Variants in SCD5 observed in about 807,000 individuals in gnomAD.
SCD5 encodes the protein stearoyl-CoA desaturase 5.
A neutral mutation model predicts 30.4 loss-of-function variants in SCD5; 20 were observed. The observed-to-expected ratio is 0.66, with a 90% confidence interval of 0.46 to 0.96. SCD5 has a LOEUF of 0.96. SCD5 is among the 40% of genes least tolerant of loss of function. The pLI is 0.00. For synonymous variants in SCD5, 173 were observed against 176.4 expected (o/e 0.98, Z 0.16); for missense variants, 381 against 443.3 (o/e 0.86, Z 1.26).
chr4:82,779,299 T>G (rs1174246198), intron 1 of SCD5, among the ~76,000 whole-genome samples: 1 of 152,102 alleles, frequency 6.6e-6, no homozygotes, highest in Non-Finnish European at 1.5e-5. Flanking sequence ...AAGGACTCAG[T>G]GTGCTCTTGC....
rs1017458503 is a variant in SCD5 at position 82,705,472 on chromosome 4, C to T, written c.233-59G>A. ...GGTCCCTGAGCTTTCAAACACCCCC[C>T]ATGCTTTTTCTCTCCTGAACAGGGA... On this transcript the variant is annotated intron_variant, in intron 1 of 4. Transcript: ENST00000319540. 20 of 1,597,320 alleles carry T rather than the reference C, an allele frequency of 1.3e-5. 1 individual carries two copies. The highest frequency in any genetic ancestry group is 1.7e-4 in the Middle Eastern group (1 of 6,038).
intron 4 of SCD5, among the ~76,000 whole-genome samples, chr4:82,633,943 C>A (rs1210719424): frequency 1.3e-5 from 2 of 152,208 alleles, no homozygotes; most frequent in Non-Finnish European, 2.9e-5. Context: ...CCCTCCCAGT[C>A]CTGTTTTCTA....
chr4:82,683,351 A>T (rs1728620992), intron 2 of SCD5, among the ~76,000 whole-genome samples: 2 of 152,196 alleles, frequency 1.3e-5, no homozygotes, highest in South Asian at 4.1e-4. Flanking sequence ...CTTTTGCATT[A>T]GTTTATTGCT....
chr4:82,772,172 G>A lies in SCD5; in HGVS notation c.232+26134C>T, dbSNP rs149579414. The stretch of plus-strand genomic sequence containing the variant: ...GGAGTCCAGAATGACAGAGATTTTT[G>A]GCTTTAGCAATCAGATGGAAGGTGG... On this transcript the variant is annotated intron_variant, in intron 1 of 4. Transcript: ENST00000319540. Among the ~76,000 whole-genome samples, 4 of 152,290 alleles carry A rather than the reference G, an allele frequency of 2.6e-5. No homozygotes were observed. The East Asian group carries it at 7.7e-4, about 29-fold the overall frequency.
At chr4:82,774,140 A>C (rs1721688966) in intron 1 of SCD5, among the ~76,000 whole-genome samples, 2 of 152,066 alleles carry the variant, frequency 1.3e-5, no homozygotes, top group African/African-American at 4.8e-5. Context: ...ATGCATCTAG[A>C]AATTTATTCT....
intron 3 of SCD5, among the ~76,000 whole-genome samples, chr4:82,672,206 G>T (rs1046421345): frequency 6.6e-6 from 1 of 152,140 alleles, no homozygotes; most frequent in African/African-American, 2.4e-5. Flanking sequence ...AAAAATTAGA[G>T]CAGAGAGAAA....
At chr4:82,793,602 TAAAGA>T (rs1217562677) in intron 1 of SCD5, among the ~76,000 whole-genome samples, 3 of 152,160 alleles carry the variant, frequency 2.0e-5, no homozygotes, top group Admixed American at 6.5e-5. Context: ...TTTCTTCTGC[TAAAGA>T]AAAGGGGCCA....
chr4:82,685,156 G>A (rs1728673931), intron 2 of SCD5, among the ~76,000 whole-genome samples: 1 of 152,160 alleles, frequency 6.6e-6, no homozygotes, highest in African/African-American at 2.4e-5. Flanking sequence ...ATACTGAAGG[G>A]AGCTACATTA....
intron 1 of SCD5, among the ~76,000 whole-genome samples, chr4:82,752,812 C>T (rs1365421147): frequency 1.3e-5 from 2 of 152,158 alleles, no homozygotes; most frequent in African/African-American, 4.8e-5. Flanking sequence ...TAAACTTACT[C>T]CAGTGTTGAA....
At chr4:82,716,998 T>C (rs1442590522) in intron 1 of SCD5, among the ~76,000 whole-genome samples, 3 of 151,804 alleles carry the variant, frequency 2.0e-5, no homozygotes, top group Non-Finnish European at 4.4e-5. Flanking sequence ...ATTTAAAATA[T>C]ATGGGAGGAT....
chr4:82,726,622 AC>A, intron 1 of SCD5, among the ~76,000 whole-genome samples: 1 of 152,038 alleles, frequency 6.6e-6, no homozygotes, highest in South Asian at 2.1e-4. Flanking sequence ...TCTAGAACAC[AC>A]ACAAATATGA....
At chr4:82,719,260 C>A (rs1190928885) in intron 1 of SCD5, among the ~76,000 whole-genome samples, 3 of 151,646 alleles carry the variant, frequency 2.0e-5, no homozygotes, top group Non-Finnish European at 2.9e-5. Flanking sequence ...CCACATGACA[C>A]CCCTGTTTAC....
At chr4:82,737,617 C>T (rs1452800871) in intron 1 of SCD5, among the ~76,000 whole-genome samples, 3 of 152,108 alleles carry the variant, frequency 2.0e-5, no homozygotes, top group Non-Finnish European at 4.4e-5. Context: ...GAACTGTATC[C>T]CAATTTGTCA....
chr4:82,737,113 C>T (rs1322863418), intron 1 of SCD5, among the ~76,000 whole-genome samples: 2 of 152,026 alleles, frequency 1.3e-5, no homozygotes, highest in African/African-American at 4.8e-5. Context: ...TGTTGCTTTC[C>T]AGAAATATTG....
intron 1 of SCD5, among the ~76,000 whole-genome samples, chr4:82,735,602 A>AG (rs1358447157): frequency 6.6e-6 from 1 of 152,206 alleles, no homozygotes; most frequent in Non-Finnish European, 1.5e-5. Flanking sequence ...GCATGGTGGA[A>AG]GGGGGGGCTC....
chr4:82,786,588 T>A (rs1721992374), intron 1 of SCD5, among the ~76,000 whole-genome samples: 1 of 151,898 alleles, frequency 6.6e-6, no homozygotes, highest in African/African-American at 2.4e-5. Context: ...TCACCTGAGT[T>A]CAGGAGTTCG....
intron 1 of SCD5, among the ~76,000 whole-genome samples, chr4:82,778,250 ACAAGT>A (rs1392693081): frequency 6.6e-6 from 1 of 152,092 alleles, no homozygotes; most frequent in Non-Finnish European, 1.5e-5. Flanking sequence ...AACTTAGAGG[ACAAGT>A]CAATAGGTCA....
chr4:82,762,170 T>C (rs1044131613), intron 1 of SCD5, among the ~76,000 whole-genome samples: 20 of 110,076 alleles, frequency 1.8e-4, no homozygotes, highest in Non-Finnish European at 2.7e-4. Flanking sequence ...AGACCCTGTC[T>C]CAAAAGAAGA....
At chr4:82,746,462 C>T (rs946421528) in intron 1 of SCD5, among the ~76,000 whole-genome samples, 2 of 152,158 alleles carry the variant, frequency 1.3e-5, no homozygotes, top group African/African-American at 4.8e-5. Context: ...TCTGAGACCA[C>T]GATGACATAT....
Sources: allele counts gnomAD v4.1 joint callset (sites outside exome capture counted in the v4.1 genomes callset), GRCh38; gene constraint gnomAD v4.1.1; transcripts MANE v1.5; gene names NCBI Gene and HGNC (gene_info 2026-07-23, HGNC 2026-07-21).